CSNK2A2: variants seen among roughly 807,000 people sequenced by gnomAD.
CSNK2A2 encodes the protein casein kinase II subunit alpha'.
CSNK2A2 carries 8 observed loss-of-function variants against 54.0 expected under a neutral mutation model. The ratio of observed to expected loss-of-function variants is 0.15; its 90% CI spans 0.09 to 0.27. CSNK2A2 has a LOEUF of 0.27. CSNK2A2 is among the 10% of genes least tolerant of loss of function. CSNK2A2 has a pLI of 1.00. For synonymous variants in CSNK2A2, 141 were observed against 153.9 expected (o/e 0.92, Z 0.62); for missense variants, 242 against 439.4 (o/e 0.55, Z 4.02).
chr16:58,196,614 A>G lies in CSNK2A2; in HGVS notation c.216+119T>C, dbSNP rs1962458865. The G allele has an allele frequency of 5.4e-6, 4 of 743,100 alleles. No individual in the cohort carries two copies. The East Asian group carries it at 7.6e-5, about 14-fold the overall frequency. The allele number at this position is 743,100 out of a possible 1,614,324, so 46.0% of individuals were successfully genotyped here. A position where few individuals can be genotyped will look rare whatever the true frequency, so the allele number is the denominator to read the frequency against. ...TGACAGAGTGAGACTCTGACTCTAA[A>G]CAAATAAATTAAATTAAATTCAAGC... On this transcript the variant is annotated intron_variant, in intron 2 of 11. Transcript: ENST00000262506.
chr16:58,180,009 G>A (rs1297012890), intron 4 of CSNK2A2, among the ~76,000 whole-genome samples: 1 of 151,610 alleles, frequency 6.6e-6, no homozygotes, highest in African/African-American at 2.4e-5. Flanking sequence ...AACCCAGGAG[G>A]CGGAGGTTGC....
chr16:58,159,917 T>C (rs1409403110), intron 11 of CSNK2A2: 1 of 152,226 alleles, frequency 6.6e-6, no homozygotes, highest in Non-Finnish European at 1.5e-5. Context: ...TTTTTTCTTT[T>C]TAAAAAACAA....
intron 4 of CSNK2A2, among the ~76,000 whole-genome samples, chr16:58,181,714 G>C (rs932812647): frequency 2.0e-5 from 3 of 152,112 alleles, no homozygotes. Context: ...ATGAGTTCTG[G>C]AAAGTGAGAA....
intron 11 of CSNK2A2, chr16:58,162,491 A>C (rs901580680): frequency 1.3e-5 from 2 of 152,224 alleles, no homozygotes; most frequent in African/African-American, 4.8e-5. Flanking sequence ...CCAAACGACA[A>C]AAATAGAATC....
At chr16:58,187,368 A>C (rs1374749701) in intron 2 of CSNK2A2, among the ~76,000 whole-genome samples, 1 of 152,050 alleles carries the variant, frequency 6.6e-6, no homozygotes, top group African/African-American at 2.4e-5. Context: ...CACCACTCCC[A>C]TTTCCTTAAT....
At chr16:58,192,181 T>A (rs1360793891) in intron 2 of CSNK2A2, among the ~76,000 whole-genome samples, 1 of 152,220 alleles carries the variant, frequency 6.6e-6, no homozygotes, top group Non-Finnish European at 1.5e-5. Flanking sequence ...AAACTAGTTC[T>A]GGAACTCAAG....
At position 58,197,324 on chromosome 16, in the gene CSNK2A2, C is replaced by G. The variant is rs1962484055; in HGVS notation, c.104+309G>C. The G allele has an allele frequency of 3.0e-6, 1 of 336,408 alleles. No homozygotes were observed. The highest frequency in any genetic ancestry group is 5.5e-6 in the Non-Finnish European group (1 of 180,664). 20.8% of individuals were successfully genotyped at this position (336,408 alleles called of 1,614,324 possible). A position where few individuals can be genotyped will look rare whatever the true frequency, so the allele number is the denominator to read the frequency against. On this transcript the variant is annotated intron_variant, in intron 1 of 11. Coordinates refer to ENST00000262506, the MANE Select transcript of CSNK2A2 (RefSeq NM_001896.4). This position sits in a 1 kb window ranked among gnomAD's most constrained non-coding sequence, Gnocchi z 4.0. ...GTTGACTTCCCACCCCAGTGGAAACCCAGAAGTGTGAGGAAGGGCAGCTCC... is the reference window on the plus strand; with the variant it reads ...GTTGACTTCCCACCCCAGTGGAAACGCAGAAGTGTGAGGAAGGGCAGCTCC...
chr16:58,173,316 A>C (rs1044710041), intron 5 of CSNK2A2, among the ~76,000 whole-genome samples: 9 of 152,256 alleles, frequency 5.9e-5, no homozygotes, highest in African/African-American at 2.2e-4. Flanking sequence ...AGTGGTGCGT[A>C]CAAGTTCTTA....
intron 11 of CSNK2A2, chr16:58,159,975 T>G (rs575633659): frequency 1.8e-4 from 27 of 152,376 alleles, no homozygotes; most frequent in African/African-American, 5.8e-4. Context: ...TGTAGCACAT[T>G]GTTGAGTCTC....
intron 10 of CSNK2A2, 85 bp from the exon 11 acceptor site, chr16:58,164,232 A>G: frequency 7.8e-7 from 1 of 1,280,080 alleles, no homozygotes; most frequent in Admixed American, 1.8e-5. Context: ...TTCAACGGAA[A>G]GAGAGACAGA....
In CSNK2A2 at chr16:58,174,431, G is replaced by A. The variant is rs1961823573; in HGVS notation, c.429+20C>T. ...ATGAACAGGCCTGAAAAAAATTAAT[G>A]GTTTATGAACACCACTTACTTTAAG... On this transcript the variant is annotated intron_variant, in intron 5 of 11. Transcript: ENST00000262506. 1.3e-6 allele frequency: 2 copies of A among 1,564,300 alleles called. No homozygotes were observed. Among genetic ancestry groups the A allele is most frequent in the East Asian group, 2.3e-5 (1 of 43,302 alleles).
chr16:58,186,458 G>C (rs921956422), intron 3 of CSNK2A2, among the ~76,000 whole-genome samples: 2 of 152,232 alleles, frequency 1.3e-5, no homozygotes, highest in African/African-American at 4.8e-5. Context: ...TTCAAAACTG[G>C]AAAGAGGCTG....
intron 1 of CSNK2A2, 128 bp from the exon 2 acceptor site, chr16:58,196,972 T>A (rs1962471410): frequency 5.5e-6 from 4 of 724,222 alleles, no homozygotes; most frequent in Admixed American, 3.7e-5. Context: ...ACGTCACAAC[T>A]CATTCCCTAA....
At chr16:58,167,175 A>AAAT (rs1351035554) in intron 8 of CSNK2A2, 32 bp downstream of exon 8, 3 of 1,554,156 alleles carry the variant, frequency 1.9e-6, no homozygotes. Context: ...ATTCACCCCC[A>AAAT]AATAAATAAG....
intron 2 of CSNK2A2, among the ~76,000 whole-genome samples, chr16:58,190,682 G>T (rs979732730): frequency 2.0e-5 from 3 of 152,168 alleles, no homozygotes; most frequent in African/African-American, 7.2e-5. Context: ...AATTCAAAAT[G>T]ATAATCAGAT....
At chr16:58,164,255 C>T (rs1961495419) in intron 10 of CSNK2A2, 108 bp from the exon 11 acceptor site, 6 of 950,268 alleles carry the variant, frequency 6.3e-6, no homozygotes, top group Admixed American at 2.0e-5. Context: ...GATGGGCAAG[C>T]CAGGGTCAGG....
In CSNK2A2 at chr16:58,197,446, G is replaced by A. The variant is rs1037600932; in HGVS notation, c.104+187C>T. On this transcript the variant is annotated intron_variant, in intron 1 of 11. Transcript: ENST00000262506. The surrounding 1 kb of genome is among the most constrained non-coding windows in gnomAD (Gnocchi z 4.0). ...AGGGGTGCGCAAAGCGGGGAGAAAG[G>A]GACGAAACGGGGGTAAAGGGGAGGG... Among the ~76,000 whole-genome samples, 1 of 152,190 alleles carries A rather than the reference G, an allele frequency of 6.6e-6. No individual in the cohort carries two copies. The highest frequency in any genetic ancestry group is 1.5e-5 in the Non-Finnish European group (1 of 68,038).
intron 5 of CSNK2A2, among the ~76,000 whole-genome samples, chr16:58,170,859 A>T (rs138966341): frequency 6.6e-6 from 1 of 152,082 alleles, no homozygotes; most frequent in African/African-American, 2.4e-5. Context: ...TTTGCTTCTA[A>T]ATCTCCCTTG....
chr16:58,189,268 C>T (rs1962268610), intron 2 of CSNK2A2, among the ~76,000 whole-genome samples: 1 of 152,106 alleles, frequency 6.6e-6, no homozygotes, highest in South Asian at 2.1e-4. Flanking sequence ...AGCTGGCTAT[C>T]TTATACTTAT....
Sources: gnomAD v4.1 joint callset for allele counts (sites outside exome capture counted in the v4.1 genomes callset) on GRCh38, gnomAD v4.1.1 for gene constraint, Gnocchi (gnomAD v3.1) non-coding constraint, MANE v1.5 for transcripts, NCBI Gene and HGNC (gene_info 2026-07-23, HGNC 2026-07-21) for gene names.